CCS: variants seen among roughly 807,000 people sequenced by gnomAD.
The protein encoded by CCS is copper chaperone for superoxide dismutase, also known as superoxide dismutase copper chaperone.
Under a neutral mutation model 35.5 loss-of-function variants are expected in CCS, and 32 were observed. The ratio of observed to expected loss-of-function variants is 0.90; its 90% CI spans 0.68 to 1.21. The LOEUF (loss-of-function observed/expected upper bound fraction) is 1.21. CCS is among the 50% of genes most tolerant of loss of function. The probability of loss-of-function intolerance (pLI) is 0.00; values close to 1 mark genes in which losing one functional copy is unlikely to be tolerated. For synonymous variants in CCS, 130 were observed against 147.2 expected (o/e 0.88, Z 0.84); for missense variants, 342 against 375.4 (o/e 0.91, Z 0.73).
intron 1 of CCS, 138 bp downstream of exon 1, chr11:66,593,438 G>A (rs1858417502): frequency 9.8e-7 from 1 of 1,019,190 alleles, no homozygotes; most frequent in Non-Finnish European, 1.4e-6. Flanking sequence ...AGGGTGCGAG[G>A]GTAGCAGGGG....
At chr11:66,603,297 G>A (rs1053929714) in intron 5 of CCS, among the ~76,000 whole-genome samples, 7 of 152,368 alleles carry the variant, frequency 4.6e-5, no homozygotes, top group African/African-American at 1.7e-4. Context: ...TCCTCCAGCC[G>A]GGCACAGTGG....
chr11:66,597,569 G>A (rs549912560), intron 2 of CCS, among the ~76,000 whole-genome samples: 52 of 151,192 alleles, frequency 3.4e-4, no homozygotes, highest in East Asian at 1.6e-3. Context: ...TGGCTAACAC[G>A]GTGAAACCCC....
Position 66,599,272 on chromosome 11 carries a change from C to A in CCS, c.250+19C>A. 6.4e-7 allele frequency: 1 copy of A among 1,574,416 alleles called. No individual in the cohort carries two copies. The highest frequency in any genetic ancestry group is 8.6e-7 in the Non-Finnish European group (1 of 1,161,916). On this transcript the variant is annotated intron_variant, in intron 3 of 7. Coordinates refer to ENST00000533244, the MANE Select transcript of CCS (RefSeq NM_005125.2). Reference sequence around the variant, plus strand: ...CAGTTGCGTGAGTGACCACTGTGGCCTTGGCCCCTCTCGGAGGGAGGTGGC... The same window carrying A: ...CAGTTGCGTGAGTGACCACTGTGGCATTGGCCCCTCTCGGAGGGAGGTGGC...
chr11:66,605,033 C>A, intron 5 of CCS: 1 of 1,061,402 alleles, frequency 9.4e-7, no homozygotes, highest in Non-Finnish European at 1.3e-6. Flanking sequence ...GGAATGACTG[C>A]ACAGGCAGGG....
intron 5 of CCS, among the ~76,000 whole-genome samples, chr11:66,600,892 G>A (rs1351761746): frequency 6.6e-6 from 1 of 152,212 alleles, no homozygotes; most frequent in African/African-American, 2.4e-5. Context: ...GGCAGGGGCA[G>A]TGGGAGGAAG....
In CCS at chr11:66,599,264, ACTGTGGC is replaced by A. The variant is rs1858532230; in HGVS notation, c.250+14_250+20del. Reference sequence around the variant, plus strand: ...GCAGCGGCCAGTTGCGTGAGTGACCACTGTGGCCTTGGCCCCTCTCGGAGGGAGGTGG... The same window carrying A: ...GCAGCGGCCAGTTGCGTGAGTGACCACTTGGCCCCTCTCGGAGGGAGGTGG... On this transcript the variant is annotated intron_variant, in intron 3 of 7. Coordinates refer to ENST00000533244, the MANE Select transcript of CCS (RefSeq NM_005125.2). 4.4e-6 allele frequency: 7 copies of A among 1,587,654 alleles called. No individual in the cohort carries two copies. In the East Asian group the frequency reaches 1.6e-4, roughly 36 times the overall value.
chr11:66,601,689 T>C (rs1388883771), intron 5 of CCS, among the ~76,000 whole-genome samples: 1 of 151,464 alleles, frequency 6.6e-6, no homozygotes. Context: ...CCACCTCACC[T>C]GATAGCTGGG....
At chr11:66,604,946 C>CT (rs987672103) in intron 5 of CCS, among the ~76,000 whole-genome samples, 3 of 152,214 alleles carry the variant, frequency 2.0e-5, no homozygotes, top group African/African-American at 7.2e-5. Context: ...CATCAGGAGG[C>CT]TGCACAACTG....
chr11:66,599,540 A>C lies in CCS; in HGVS notation c.332A>C (p.Glu111Ala), dbSNP rs893430352. The C allele has an allele frequency of 4.4e-6, 7 of 1,601,014 alleles. No homozygotes were observed. The highest frequency in any genetic ancestry group is 6.0e-6 in the Non-Finnish European group (7 of 1,174,670). Residue 111 changes from glutamate to alanine, a missense_variant, in exon 4 of 8, where the codon GAG (glutamate) becomes GCG (alanine). Coordinates refer to ENST00000533244, the MANE Select transcript of CCS (RefSeq NM_005125.2). ...GTGCGCTTCCTACAGCTGACCCCTG[A>C]GCGCTGCCTCATCGAGGGAACTATT... ...GVVRFLQLTP[E>A]RCLIEGTIDG...
intron 5 of CCS, among the ~76,000 whole-genome samples, chr11:66,604,192 T>G (rs1434337468): frequency 6.6e-6 from 1 of 152,084 alleles, no homozygotes; most frequent in Non-Finnish European, 1.5e-5. Flanking sequence ...ATCACACCAT[T>G]GCATTCCAGC....
chr11:66,601,154 G>A (rs1379485623), intron 5 of CCS, among the ~76,000 whole-genome samples: 3 of 152,224 alleles, frequency 2.0e-5, no homozygotes, highest in East Asian at 3.9e-4. Flanking sequence ...GTGCAATGGC[G>A]CAGTCCCAGC....
intron 3 of CCS, 88 bp downstream of exon 3, chr11:66,599,341 G>A: frequency 6.6e-7 from 1 of 1,506,304 alleles, no homozygotes; most frequent in Non-Finnish European, 8.9e-7. Flanking sequence ...CAGGCTCTGG[G>A]TTGGAGTGGC....
chr11:66,605,618 G>T lies in CCS; in HGVS notation c.671+26G>T, dbSNP rs1858644238. ...GTGAGTGGTGTCGGCCCCTGTAGGA[G>T]GCTGTGCTCTGCGGATGGTGCATGA... On this transcript the variant is annotated intron_variant, in intron 7 of 7. Transcript: ENST00000533244. 4 of 1,606,836 alleles carry T rather than the reference G, an allele frequency of 2.5e-6. No homozygotes were observed. The Admixed American group carries it at 6.7e-5, about 27-fold the overall frequency.
In CCS at chr11:66,599,244, G is replaced by T; in HGVS notation, c.241G>T (p.Gly81Cys). Residue 81 changes from glycine (G) to cysteine (C), a missense_variant, in exon 3 of 8, where the codon GGC (glycine) becomes TGC (cysteine). By Grantham distance (159) the Gly-to-Cys change is radical. Transcript: ENST00000533244. ...RQAVLKGMGSGQLQNLGAAVA... is the reference protein window; with the variant it reads ...RQAVLKGMGSCQLQNLGAAVA... The stretch of plus-strand genomic sequence containing the variant: ...GGCGGTACTCAAGGGCATGGGCAGC[G>T]GCCAGTTGCGTGAGTGACCACTGTG... 6.2e-7 allele frequency: 1 copy of T among 1,604,144 alleles called. No homozygotes were observed. Among genetic ancestry groups the T allele is most frequent in the Non-Finnish European group, 8.5e-7 (1 of 1,175,150 alleles).
intron 5 of CCS, among the ~76,000 whole-genome samples, chr11:66,603,166 C>G (rs1858597012): frequency 6.6e-6 from 1 of 152,192 alleles, no homozygotes; most frequent in East Asian, 1.9e-4. Context: ...CCCCACTCCC[C>G]CTGCCTATTG....
Position 66,599,475 on chromosome 11 carries a change from A to G in CCS, c.267A>G (p.Ala89=). 1.3e-6 allele frequency: 2 copies of G among 1,540,988 alleles called. No homozygotes were observed. The highest frequency in any genetic ancestry group is 1.7e-6 in the Non-Finnish European group (2 of 1,147,860). The change falls in exon 4 of 8, where the codon GCA becomes GCG. Residue 89 remains alanine, a synonymous_variant. Transcript: ENST00000533244. ...GSGQLQNLGA[A]VAILGGPGTV... is the part of the protein sequence containing the mutation. ...ACCTTGCAGAGAATCTGGGGGCAGCAGTGGCCATCCTGGGGGGGCCTGGCA... is the reference window on the plus strand; with the variant it reads ...ACCTTGCAGAGAATCTGGGGGCAGCGGTGGCCATCCTGGGGGGGCCTGGCA...
chr11:66,602,332 G>A (rs2134984059), intron 5 of CCS, among the ~76,000 whole-genome samples: 1 of 152,294 alleles, frequency 6.6e-6, no homozygotes, highest in East Asian at 1.9e-4. Context: ...TCATGTTGCT[G>A]TTGGCAGGCC....
At position 66,605,345 on chromosome 11, in the gene CCS, G is replaced by A. The variant is rs745854670; in HGVS notation, c.496G>A (p.Gly166Arg). ...GGPQDSDRHR[G>R]DLGNVRADAD... ...ACACTGGATCTCATTCCAGCACCGC[G>A]GAGACCTGGGCAATGTCCGTGCTGA... The change falls in exon 6 of 8, where the codon GGA (glycine) becomes AGA (arginine). Residue 166 changes from glycine to arginine, a missense_variant. Transcript: ENST00000533244. 9 of 1,614,156 alleles carry A rather than the reference G, an allele frequency of 5.6e-6. No homozygotes were observed. The highest frequency in any genetic ancestry group is 4.5e-5 in the East Asian group (2 of 44,876).
At chr11:66,605,459 A>G in intron 6 of CCS, 30 bp from the exon 7 acceptor site, 1 of 1,613,772 alleles carries the variant, frequency 6.2e-7, no homozygotes, top group Non-Finnish European at 8.5e-7. Flanking sequence ...AACAGGGTCC[A>G]TCATCTGAAG....
Sources: allele counts gnomAD v4.1 joint callset (sites outside exome capture counted in the v4.1 genomes callset), GRCh38; gene constraint gnomAD v4.1.1; transcripts MANE v1.5; gene names NCBI Gene and HGNC (gene_info 2026-07-23, HGNC 2026-07-21).